Variants in SLC26A4 observed in about 807,000 individuals in gnomAD.
SLC26A4 encodes pendrin.
Under a neutral mutation model 90.4 loss-of-function variants are expected in SLC26A4, and 93 were observed. The observed-to-expected ratio is 1.03, with a 90% CI of 0.87 to 1.22. The LOEUF is 1.22. Among genes scored for constraint, SLC26A4 ranks in the 50% most tolerant of loss-of-function variants. The pLI is 0.00. For missense variants in SLC26A4, 1,127 were observed against 946.2 expected, an observed-to-expected ratio of 1.19 and a Z score of -2.51; for synonymous variants, 393 against 354.6, an observed-to-expected ratio of 1.11 and a Z score of -1.22.
chr7:107,714,229 TTG>T (rs1792277209), intron 20 of SLC26A4, among the ~76,000 whole-genome samples: 2 of 152,102 alleles, frequency 1.3e-5, no homozygotes, highest in Admixed American at 6.6e-5. Flanking sequence ...TTGGCCAGTT[TTG>T]TGTTTTGAAT....
At chr7:107,675,473 C>T (rs980584824) in intron 6 of SLC26A4, among the ~76,000 whole-genome samples, 5 of 151,444 alleles carry the variant, frequency 3.3e-5, no homozygotes, top group Non-Finnish European at 7.4e-5. Context: ...CCCCACTGCA[C>T]TCCACCCTGG....
Position 107,661,582 on chromosome 7 carries a change from C to T in SLC26A4, c.-3-57C>T. The T allele has an allele frequency of 6.6e-7, 1 of 1,518,932 alleles. No individual in the cohort carries two copies. Among genetic ancestry groups the T allele is most frequent in the Non-Finnish European group, 8.8e-7 (1 of 1,130,562 alleles). The allele number at this position is 1,518,932 out of a possible 1,614,324, so 94.1% of individuals were successfully genotyped here. A position where few individuals can be genotyped will look rare whatever the true frequency, so the allele number is the denominator to read the frequency against. On this transcript the variant is annotated intron_variant, in intron 1 of 20. Coordinates refer to ENST00000644269, the MANE Select transcript of SLC26A4 (RefSeq NM_000441.2). This position sits in a 1 kb window ranked among gnomAD's most constrained non-coding sequence, Gnocchi z 5.1. ...GTTCTTTCTGTTCCTCGCTCTTCCC[C>T]TCCGATCGTCCTCGCTTACCGCGTG...
At chr7:107,672,377 T>A in intron 4 of SLC26A4, 129 bp downstream of exon 4, 1 of 205,086 alleles carries the variant, frequency 4.9e-6, no homozygotes, top group Non-Finnish European at 9.6e-6. Flanking sequence ...CTTTTAATTG[T>A]GAAAACCGCA....
At chr7:107,682,118 A>AAT (rs1791253255) in intron 6 of SLC26A4, among the ~76,000 whole-genome samples, 1 of 142,216 alleles carries the variant, frequency 7.0e-6, no homozygotes, top group Non-Finnish European at 1.5e-5. Context: ...AAAAAAAAAA[A>AAT]AAAAAAAAAA....
At chr7:107,709,750 C>T (rs1246914241) in intron 18 of SLC26A4, among the ~76,000 whole-genome samples, 1 of 152,136 alleles carries the variant, frequency 6.6e-6, no homozygotes, top group Non-Finnish European at 1.5e-5. Flanking sequence ...ACTGTCATTT[C>T]AAATCTGGGT....
intron 6 of SLC26A4, among the ~76,000 whole-genome samples, chr7:107,675,582 T>C (rs1306989695): frequency 1.3e-5 from 2 of 148,850 alleles, no homozygotes; most frequent in East Asian, 3.9e-4. Flanking sequence ...TTCTTTTTTT[T>C]TTTTTTTTTG....
At chr7:107,689,721 A>C (rs770677965) in intron 9 of SLC26A4, among the ~76,000 whole-genome samples, 42 of 152,198 alleles carry the variant, frequency 2.8e-4, no homozygotes, top group Non-Finnish European at 5.4e-4. Flanking sequence ...AAAATACAGT[A>C]TAGCAATAAC....
intron 3 of SLC26A4, among the ~76,000 whole-genome samples, chr7:107,671,609 C>T (rs905775619): frequency 1.1e-4 from 17 of 152,198 alleles, no homozygotes; most frequent in African/African-American, 3.9e-4. Flanking sequence ...TCCTGTTCTG[C>T]ATCCTAGCAT....
chr7:107,693,277 A>G (rs1223861109), intron 10 of SLC26A4: 3 of 985,244 alleles, frequency 3.0e-6, no homozygotes, highest in Middle Eastern at 5.2e-4. Context: ...TAGGAAGAGC[A>G]TAGAAAAGCC....
At chr7:107,679,826 ATCT>A (rs1440532093) in intron 6 of SLC26A4, among the ~76,000 whole-genome samples, 1 of 142,304 alleles carries the variant, frequency 7.0e-6, no homozygotes, top group Non-Finnish European at 1.5e-5. Flanking sequence ...ATATAATATA[ATCT>A]TATATTATTA....
intron 15 of SLC26A4, among the ~76,000 whole-genome samples, chr7:107,700,887 CT>C (rs2129318038): frequency 6.6e-6 from 1 of 152,188 alleles, no homozygotes; most frequent in African/African-American, 2.4e-5. Flanking sequence ...GTCTTGGAGC[CT>C]TTGATATGCT....
At chr7:107,689,395 G>A (rs1195797051) in intron 9 of SLC26A4, among the ~76,000 whole-genome samples, 195 bp downstream of exon 9, 1 of 152,114 alleles carries the variant, frequency 6.6e-6, no homozygotes, top group East Asian at 1.9e-4. Flanking sequence ...GCTTTTTTAA[G>A]AAATAAGTTG....
Position 107,717,009 on chromosome 7 carries a change from C to T in SLC26A4, c.*1563C>T, listed in dbSNP as rs943006929. The stretch of plus-strand genomic sequence containing the variant: ...TTACAGCATAACTAGGATTATAATG[C>T]TGCCTCATTTTCACAGCACTACTTG... On this transcript the variant is annotated 3_prime_UTR_variant, in exon 21 of 21. Transcript: ENST00000644269. 1 of 152,124 alleles carries T rather than the reference C, an allele frequency of 6.6e-6. No individual in the cohort carries two copies. Among genetic ancestry groups the T allele is most frequent in the Non-Finnish European group, 1.5e-5 (1 of 68,018 alleles). The allele number at this position is 152,124 out of a possible 1,614,324, so 9.4% of individuals were successfully genotyped here.
intron 12 of SLC26A4, 83 bp downstream of exon 12, chr7:107,694,799 C>T: frequency 9.6e-6 from 9 of 934,048 alleles, no homozygotes; most frequent in South Asian, 9.2e-5. Context: ...TTCCCCCCAT[C>T]CCCTAAGTCT....
chr7:107,665,159 C>A (rs890772591), intron 3 of SLC26A4, among the ~76,000 whole-genome samples: 1 of 151,972 alleles, frequency 6.6e-6, no homozygotes, highest in East Asian at 1.9e-4. Flanking sequence ...CTGAGTTTGC[C>A]AAGTGATGGG....
intron 10 of SLC26A4, among the ~76,000 whole-genome samples, chr7:107,690,482 T>G (rs1178430501): frequency 1.3e-5 from 2 of 152,238 alleles, no homozygotes; most frequent in Non-Finnish European, 2.9e-5. Flanking sequence ...GTCATGTAGC[T>G]ACACTTACCT....
intron 17 of SLC26A4, among the ~76,000 whole-genome samples, chr7:107,703,204 A>G (rs1475302424): frequency 6.6e-6 from 1 of 152,220 alleles, no homozygotes; most frequent in Admixed American, 6.5e-5. Context: ...AAGAAGATGA[A>G]TAGGACATCA....
At chr7:107,665,490 A>G (rs912349197) in intron 3 of SLC26A4, among the ~76,000 whole-genome samples, 3 of 152,230 alleles carry the variant, frequency 2.0e-5, no homozygotes, top group African/African-American at 7.2e-5. Flanking sequence ...CCTGGGGGAC[A>G]GGAACCATGC....
intron 10 of SLC26A4, chr7:107,693,323 T>A: frequency 1.0e-6 from 1 of 985,334 alleles, no homozygotes; most frequent in South Asian, 4.7e-5. Flanking sequence ...TAGTACCTCA[T>A]ACACATCATA....
Sources: allele counts gnomAD v4.1 joint callset (sites outside exome capture counted in the v4.1 genomes callset), GRCh38; gene constraint gnomAD v4.1.1; non-coding constraint Gnocchi (gnomAD v3.1); transcripts MANE v1.5; gene names NCBI Gene and HGNC (gene_info 2026-07-23, HGNC 2026-07-21).